Variants in USP34 observed in about 807,000 individuals in gnomAD.
USP34 encodes the protein ubiquitin carboxyl-terminal hydrolase 34.
A neutral mutation model predicts 460.3 loss-of-function variants in USP34; 70 were observed. That is an observed-to-expected ratio of 0.15 (90% CI 0.13 to 0.19). The LOEUF (loss-of-function observed/expected upper bound fraction) is 0.19, where lower values mean the gene tolerates loss of function less well. Ranked by LOEUF, USP34 falls within the 10% of genes least tolerant of loss-of-function variation. The probability of loss-of-function intolerance (pLI) is 1.00; values close to 1 mark genes in which losing one functional copy is unlikely to be tolerated. For missense variants in USP34, 3,985 were observed against 4,236.2 expected (o/e 0.94, Z 1.65); for synonymous variants, 1,647 against 1,405.3 (o/e 1.17, Z -3.85).
intron 10 of USP34, among the ~76,000 whole-genome samples, chr2:61,356,795 C>T (rs536472855): frequency 6.6e-6 from 1 of 152,230 alleles, no homozygotes; most frequent in Non-Finnish European, 1.5e-5. Context: ...AGATCTATTG[C>T]ACAATGCAAA....
At position 61,311,630 on chromosome 2, in the gene USP34, G is replaced by A. The variant is rs753533125; in HGVS notation, c.3727C>T (p.His1243Tyr). The change falls in exon 27 of 80, where the codon CAT becomes TAT. Residue 1243 changes from histidine to tyrosine, a missense_variant. His to Tyr is a moderately conservative substitution (Grantham distance 83, BLOSUM62 2). This residue lies in a region of USP34 where 1,114 missense variants were observed against 1,122.5 expected (regional missense o/e 0.99). Coordinates refer to ENST00000398571, the MANE Select transcript of USP34 (RefSeq NM_014709.4). ...TCTTTCTGTAAATTTTCATACCAAT[G>A]AGTTACTTCAGCCCTAAGATCTGCT... ...QVADLRAEVT[H>Y]WYENLQKEQI... The A allele has an allele frequency of 3.1e-6, 5 of 1,613,646 alleles. No homozygotes were observed. The highest frequency in any genetic ancestry group is 4.2e-6 in the Non-Finnish European group (5 of 1,179,852).
intron 23 of USP34, among the ~76,000 whole-genome samples, chr2:61,315,922 G>A (rs1410069286): frequency 1.7e-4 from 26 of 151,960 alleles, no homozygotes; most frequent in Non-Finnish European, 2.6e-4. Context: ...ATAGTGGGCC[G>A]TGTGGAGTGG....
chr2:61,454,918 C>T (rs1436585678), intron 1 of USP34, among the ~76,000 whole-genome samples: 6 of 146,610 alleles, frequency 4.1e-5, no homozygotes, highest in Admixed American at 2.8e-4. Flanking sequence ...TCACTAGTCG[C>T]CCAGACTGGA....
rs1185267983 is a variant in USP34 at position 61,188,680 on chromosome 2, G to A, written c.10063C>T (p.Arg3355Trp). 6.2e-7 allele frequency: 1 copy of A among 1,613,718 alleles called. No homozygotes were observed. Among genetic ancestry groups the A allele is most frequent in the Non-Finnish European group, 8.5e-7 (1 of 1,179,926 alleles). The change falls in exon 80 of 80, where the codon CGG (arginine) becomes TGG (tryptophan). Residue 3355 changes from arginine to tryptophan, a missense_variant. By Grantham distance (101) the Arg-to-Trp change is moderately radical. Transcript: ENST00000398571. The part of the protein sequence containing the change: ...DDEGATPIKR[R>W]RVSSDEEHTV... ...TGCTCCTCATCACTGCTAACACGCC[G>A]CCTTTTAATGGGAGTTGCTCCTTCA...
At position 61,394,857 on chromosome 2, in the gene USP34, G is replaced by T; in HGVS notation, c.749C>A (p.Ser250Tyr). 1 of 1,564,720 alleles carries T rather than the reference G, an allele frequency of 6.4e-7. No homozygotes were observed. ...LIAHAFITVVSNIRIWLHIPA... is the reference protein window; with the variant it reads ...LIAHAFITVVYNIRIWLHIPA... ...TCAATTCAAAACAATACTTACATTAGACACAACTGTAATAAACGCATGTGC... is the reference window on the plus strand; with the variant it reads ...TCAATTCAAAACAATACTTACATTATACACAACTGTAATAAACGCATGTGC... The change falls in exon 5 of 80, where the codon TCT becomes TAT. Residue 250 changes from serine to tyrosine, a missense_variant. This residue lies in a region of USP34 where 331 missense variants were observed against 293.7 expected (regional missense o/e 1.13). Coordinates refer to ENST00000398571, the MANE Select transcript of USP34 (RefSeq NM_014709.4).
chr2:61,382,621 G>A (rs1423845453), intron 6 of USP34, among the ~76,000 whole-genome samples: 8 of 151,864 alleles, frequency 5.3e-5, no homozygotes, highest in Non-Finnish European at 7.4e-5. Flanking sequence ...TTGCAAATGA[G>A]AAAAAAAGTA....
intron 23 of USP34, among the ~76,000 whole-genome samples, chr2:61,316,752 G>T (rs997749472): frequency 6.6e-6 from 1 of 151,710 alleles, no homozygotes; most frequent in African/African-American, 2.4e-5. Context: ...AGGCATGGTG[G>T]TGCACCCCTG....
chr2:61,190,229 A>G (rs1686591736), intron 78 of USP34, 42 bp downstream of exon 78: 1 of 1,554,880 alleles, frequency 6.4e-7, no homozygotes, highest in African/African-American at 1.4e-5. Flanking sequence ...TAACTGAAGG[A>G]CAGTTTAAAA....
chr2:61,218,875 TTAA>T (rs1193167007), intron 67 of USP34, among the ~76,000 whole-genome samples: 1 of 152,180 alleles, frequency 6.6e-6, no homozygotes, highest in African/African-American at 2.4e-5. Flanking sequence ...ACCAATGATG[TTAA>T]TTAACCTTTA....
rs764717387 is a variant in USP34 at position 61,208,991 on chromosome 2, T to A, written c.8841-14A>T. On this transcript the variant is annotated splice_polypyrimidine_tract_variant and intron_variant, in intron 69 of 79. Transcript: ENST00000398571. ...ATTCTGAAGGCACTAGAAGAAAACA[T>A]AAAGTTCAGTTTGAGAAGTCTGAAT... 3 of 1,536,604 alleles carry A rather than the reference T, an allele frequency of 2.0e-6. No individual in the cohort carries two copies. The African/African-American group carries it at 4.1e-5, about 21-fold the overall frequency.
chr2:61,317,035 A>G (rs775341668), intron 23 of USP34, among the ~76,000 whole-genome samples: 36 of 152,220 alleles, frequency 2.4e-4, no homozygotes, highest in Admixed American at 2.6e-4. Flanking sequence ...CATAAAAATC[A>G]TATCTGAGAC....
At chr2:61,453,910 T>C (rs992230974) in intron 1 of USP34, among the ~76,000 whole-genome samples, 3 of 151,972 alleles carry the variant, frequency 2.0e-5, no homozygotes, top group Non-Finnish European at 4.4e-5. Flanking sequence ...CTCAGATACT[T>C]GTATTTTGGG....
Position 61,245,199 on chromosome 2 carries a change from A to G in USP34, c.6627+11T>C, listed in dbSNP as rs572290652. 3.1e-6 allele frequency: 5 copies of G among 1,606,702 alleles called. No individual in the cohort carries two copies. In the East Asian group the frequency reaches 1.1e-4, roughly 36 times the overall value. On this transcript the variant is annotated intron_variant, in intron 51 of 79. Coordinates refer to ENST00000398571, the MANE Select transcript of USP34 (RefSeq NM_014709.4). ...GACACAAACCATTTATAATTTCTGA[A>G]TAAAACTTACCGTCATCTCTCCACC... is the stretch of plus-strand genomic sequence containing the variant.
chr2:61,264,435 G>C (rs1347905790), intron 43 of USP34, among the ~76,000 whole-genome samples: 1 of 152,028 alleles, frequency 6.6e-6, no homozygotes, highest in Non-Finnish European at 1.5e-5. Flanking sequence ...CAGGATTTGA[G>C]ACCAGCCTGG....
intron 3 of USP34, among the ~76,000 whole-genome samples, chr2:61,397,971 G>C (rs925011213): frequency 6.6e-6 from 1 of 152,176 alleles, no homozygotes; most frequent in Admixed American, 6.5e-5. Context: ...GCAGACTAAG[G>C]CACAAGAATC....
intron 27 of USP34, among the ~76,000 whole-genome samples, chr2:61,305,117 A>G (rs1690362243): frequency 6.6e-6 from 1 of 152,128 alleles, no homozygotes; most frequent in African/African-American, 2.4e-5. Context: ...TGAGGTCAGG[A>G]GCTCGAGACC....
intron 2 of USP34, among the ~76,000 whole-genome samples, chr2:61,412,618 G>A: frequency 6.6e-6 from 1 of 152,096 alleles, no homozygotes; most frequent in Non-Finnish European, 1.5e-5. Flanking sequence ...GCCTGGTGCA[G>A]TGGCTCACAC....
intron 1 of USP34, among the ~76,000 whole-genome samples, chr2:61,438,558 C>A (rs1325396124): frequency 6.6e-6 from 1 of 152,038 alleles, no homozygotes; most frequent in East Asian, 1.9e-4. Flanking sequence ...CAAGATCACG[C>A]CACTGCACTC....
intron 42 of USP34, 178 bp downstream of exon 42, chr2:61,265,806 T>C (rs567170717): frequency 1.9e-5 from 13 of 702,628 alleles, no homozygotes; most frequent in East Asian, 1.6e-4. Flanking sequence ...GTATTTAAAA[T>C]GCATATAAAA....
Sources: gnomAD v4.1 joint callset for allele counts (sites outside exome capture counted in the v4.1 genomes callset) on GRCh38, gnomAD v4.1.1 for gene constraint, gnomAD v4.1.1 regional missense constraint, MANE v1.5 for transcripts, NCBI Gene and HGNC (gene_info 2026-07-23, HGNC 2026-07-21) for gene names.